The following ADCY7 variants were observed in gnomAD, a reference collection of about 807,000 sequenced individuals.
ADCY7 encodes the protein adenylate cyclase 7.
In ADCY7, 72 loss-of-function variants were observed where a neutral mutation model predicts 120.6. The observed-to-expected ratio is 0.60, with a 90% CI of 0.49 to 0.73. ADCY7 has a LOEUF of 0.73. Among genes scored for constraint, ADCY7 ranks in the 30% least tolerant of loss-of-function variants. The pLI is 0.00. For missense variants in ADCY7, 1,227 were observed against 1,486.0 expected, an observed-to-expected ratio of 0.83 and a Z score of 2.87; for synonymous variants, 661 against 628.0, an observed-to-expected ratio of 1.05 and a Z score of -0.78.
chr16:50,302,544 C>T (rs1047223371), intron 10 of ADCY7, among the ~76,000 whole-genome samples: 9 of 152,026 alleles, frequency 5.9e-5, no homozygotes, highest in African/African-American at 1.4e-4. Context: ...ATTTATTTGG[C>T]GGCCCCACCT....
Position 50,315,705 on chromosome 16 carries a change from C to G in ADCY7, c.*200C>G. 1.7e-6 allele frequency: 1 copy of G among 592,894 alleles called. No homozygotes were observed. Among genetic ancestry groups the G allele is most frequent in the Non-Finnish European group, 2.9e-6 (1 of 349,752 alleles). 36.7% of individuals were successfully genotyped at this position (592,894 alleles called of 1,614,324 possible). A position where few individuals can be genotyped will look rare whatever the true frequency, so the allele number is the denominator to read the frequency against. On this transcript the variant is annotated 3_prime_UTR_variant, in exon 26 of 26. Transcript: ENST00000673801. ...GAAGCAGCCACTGAGCCATAATGCGCAGGGGAGGCCAGAAGCTCTGTGCCT... is the reference window on the plus strand; with the variant it reads ...GAAGCAGCCACTGAGCCATAATGCGGAGGGGAGGCCAGAAGCTCTGTGCCT...
chr16:50,313,359 G>C (rs2036590116), intron 22 of ADCY7: 1 of 292,884 alleles, frequency 3.4e-6, no homozygotes, highest in African/African-American at 2.2e-5. Context: ...GGCGGTTGCA[G>C]TGAGCTGGGA....
At chr16:50,246,029 C>A, upstream of ADCY7, 1 of 150,570 alleles carries the variant, frequency 6.6e-6, no homozygotes, top group South Asian at 1.9e-4. Context: ...CCTGGGCGCC[C>A]CCCAGCCCCC....
intron 7 of ADCY7, among the ~76,000 whole-genome samples, chr16:50,295,496 C>T (rs2035296353): frequency 6.6e-6 from 1 of 151,508 alleles, no homozygotes; most frequent in African/African-American, 2.4e-5. Flanking sequence ...TCCTGGCCCA[C>T]CTTAAAGTCT....
chr16:50,291,459 G>C (rs7202127), intron 3 of ADCY7, among the ~76,000 whole-genome samples: 33,106 of 152,204 alleles, frequency 0.22, 3,841 homozygotes, highest in Non-Finnish European at 0.26. Context: ...GGGGCACCAG[G>C]TGGGGGCTCC....
chr16:50,262,891 C>CG (rs2033097129), upstream of ADCY7, among the ~76,000 whole-genome samples: 1 of 152,152 alleles, frequency 6.6e-6, no homozygotes, highest in Non-Finnish European at 1.5e-5. Flanking sequence ...TGAAAGAAAG[C>CG]GGGTGTTTGT....
rs571139360 is a variant in ADCY7 at position 50,315,872 on chromosome 16, C to T, written c.*367C>T. On this transcript the variant is annotated 3_prime_UTR_variant, in exon 26 of 26. Transcript: ENST00000673801. ...TCCACCTCAGTGGCCTGTGGGCACGCACAAGTGAGGTCTGTTTTTCTAGAC... is the reference window on the plus strand; with the variant it reads ...TCCACCTCAGTGGCCTGTGGGCACGTACAAGTGAGGTCTGTTTTTCTAGAC... 4.8e-6 allele frequency: 1 copy of T among 206,490 alleles called. No homozygotes were observed. Among genetic ancestry groups the T allele is most frequent in the African/African-American group, 2.3e-5 (1 of 44,000 alleles). 12.8% of individuals were successfully genotyped at this position (206,490 alleles called of 1,614,324 possible). A position where few individuals can be genotyped will look rare whatever the true frequency, so the allele number is the denominator to read the frequency against.
At position 50,290,596 on chromosome 16, in the gene ADCY7, T is replaced by C; in HGVS notation, c.311T>C (p.Leu104Ser). 1.2e-6 allele frequency: 2 copies of C among 1,614,116 alleles called. No individual in the cohort carries two copies. The highest frequency in any genetic ancestry group is 8.5e-7 in the Non-Finnish European group (1 of 1,180,012). The stretch of plus-strand genomic sequence containing the variant: ...TTGGCGCTGCTCACCTGGGCCTGCT[T>C]GGTGGCGCTGGGCTATGTGCTGGTG... ...RALALLTWACLVALGYVLVFD... is the reference protein window; with the variant it reads ...RALALLTWACSVALGYVLVFD... Residue 104 changes from leucine (L) to serine (S), a missense_variant, in exon 3 of 26, where the codon TTG (leucine) becomes TCG (serine). By Grantham distance (145) the Leu-to-Ser change is moderately radical (BLOSUM62 -2). Coordinates refer to ENST00000673801, the MANE Select transcript of ADCY7 (RefSeq NM_001114.5).
At chr16:50,305,170 ATGG>A (rs2035977906) in intron 12 of ADCY7, among the ~76,000 whole-genome samples, 2 of 152,180 alleles carry the variant, frequency 1.3e-5, no homozygotes, top group African/African-American at 4.8e-5. Flanking sequence ...CACCTGTTGT[ATGG>A]TGCCCTGGCG....
chr16:50,278,871 TCTC>T (rs775683198), intron 1 of ADCY7, among the ~76,000 whole-genome samples: 3,292 of 83,138 alleles, frequency 0.04, 110 homozygotes, highest in African/African-American at 0.11. Context: ...TCTCTCTCTC[TCTC>T]TTTTTTTTTT....
intron 1 of ADCY7, among the ~76,000 whole-genome samples, chr16:50,272,887 G>A (rs2033663621): frequency 6.6e-6 from 1 of 152,318 alleles, no homozygotes; most frequent in African/African-American, 2.4e-5. Context: ...AGGGGGGCCT[G>A]GGCTAATGGG....
chr16:50,275,272 C>T (rs929261353), intron 1 of ADCY7, among the ~76,000 whole-genome samples: 1 of 152,200 alleles, frequency 6.6e-6, no homozygotes, highest in Admixed American at 6.5e-5. Flanking sequence ...CCAGCACCTG[C>T]AACCTTCTTG....
intron 6 of ADCY7, among the ~76,000 whole-genome samples, chr16:50,294,077 G>C (rs1230465114): frequency 3.3e-5 from 5 of 152,202 alleles, no homozygotes; most frequent in Non-Finnish European, 5.9e-5. Flanking sequence ...TTTTCTCTGG[G>C]CTGTGGATGG....
rs2036391827 is a variant in ADCY7, at chr16:50,310,593, G to A, written c.2161-94G>A. On this transcript the variant is annotated intron_variant, in intron 18 of 25. Coordinates refer to ENST00000673801, the MANE Select transcript of ADCY7 (RefSeq NM_001114.5). Reference sequence around the variant, plus strand: ...TGGTAAGGCAAGAGCGTGATGCTGAGGTGCAGGGAGTGGGGCTCTGTGGTA... The same window carrying A: ...TGGTAAGGCAAGAGCGTGATGCTGAAGTGCAGGGAGTGGGGCTCTGTGGTA... 4 of 1,594,304 alleles carry A rather than the reference G, an allele frequency of 2.5e-6. No homozygotes were observed. In the East Asian group the frequency reaches 9.1e-5, roughly 36 times the overall value.
intron 5 of ADCY7, 131 bp from the exon 6 acceptor site, chr16:50,293,223 G>A: frequency 4.9e-6 from 5 of 1,014,390 alleles, no homozygotes; most frequent in Non-Finnish European, 5.8e-6. Context: ...TTGTGGGCAG[G>A]GCAGGCAGGC....
chr16:50,246,659 G>C (rs2032597535), intron 1 of ADCY7, among the ~76,000 whole-genome samples: 1 of 152,204 alleles, frequency 6.6e-6, no homozygotes, highest in African/African-American at 2.4e-5. Context: ...GGTCTGCAGC[G>C]CTCCCGCCGG....
chr16:50,247,334 C>T (rs955442410), intron 1 of ADCY7, among the ~76,000 whole-genome samples: 18 of 152,026 alleles, frequency 1.2e-4, no homozygotes, highest in African/African-American at 4.3e-4. Context: ...GAGAACCCTG[C>T]ATGGTGAGTT....
intron 22 of ADCY7, chr16:50,313,735 A>G (rs563257644): frequency 2.2e-5 from 12 of 556,728 alleles, no homozygotes; most frequent in Non-Finnish European, 3.5e-5. Context: ...GGAAGGGAAG[A>G]GGGAGACAGT....
rs1284776060 is a variant in ADCY7, at chr16:50,312,968, T to C, written c.2683T>C (p.Cys895Arg). The change falls in exon 22 of 26, where the codon TGC becomes CGC. Residue 895 changes from cysteine (C) to arginine (R), a missense_variant. Around this residue, in one of 5 missense-constraint regions of ADCY7, gnomAD observed 244 missense variants for 332.8 expected, o/e 0.73. Transcript: ENST00000673801. Reference protein sequence around the residue: ...VPDFKVFYTECDVNKEGLECL... With the variant: ...VPDFKVFYTERDVNKEGLECL... ...GGACTTCAAAGTGTTCTACACAGAG[T>C]GCGATGTCAACAAAGAAGGGCTGGA... 2 of 1,614,096 alleles carry C rather than the reference T, an allele frequency of 1.2e-6. No homozygotes were observed. The highest frequency in any genetic ancestry group is 1.3e-5 in the African/African-American group (1 of 75,012).
Sources: gnomAD v4.1 joint callset for allele counts (sites outside exome capture counted in the v4.1 genomes callset) on GRCh38, gnomAD v4.1.1 for gene constraint, gnomAD v4.1.1 regional missense constraint, MANE v1.5 for transcripts, NCBI Gene and HGNC (gene_info 2026-07-23, HGNC 2026-07-21) for gene names.